The following TDRD1 variants were observed in gnomAD, a reference collection of about 807,000 sequenced individuals.
The protein encoded by TDRD1 is tudor domain-containing protein 1.
In TDRD1, 37 loss-of-function variants were observed where a neutral mutation model predicts 140.6. The observed-to-expected ratio is 0.26, with a 90% CI of 0.20 to 0.35. TDRD1 has a LOEUF of 0.35. Among genes scored for constraint, TDRD1 ranks in the 10% least tolerant of loss-of-function variants. TDRD1 has a pLI of 1.00. For synonymous variants in TDRD1, 506 were observed against 475.7 expected (o/e 1.06, Z -0.83); for missense variants, 1,243 against 1,393.0 (o/e 0.89, Z 1.71).
intron 20 of TDRD1, 24 bp downstream of exon 20, chr10:114,221,500 T>C (rs376841676): frequency 6.9e-6 from 11 of 1,605,246 alleles, no homozygotes; most frequent in Non-Finnish European, 9.4e-6. Flanking sequence ...ATTTGAGACA[T>C]ATTTATGCTC....
Position 114,191,037 on chromosome 10 carries a change from G to A in TDRD1, c.384+18G>A. Reference sequence around the variant, plus strand: ...TGAATATTGTAAGTTATTTTATTGTGTGTGTGCTTGTTTGGGTAAAAGATT... The same window carrying A: ...TGAATATTGTAAGTTATTTTATTGTATGTGTGCTTGTTTGGGTAAAAGATT... On this transcript the variant is annotated intron_variant, in intron 3 of 25. Coordinates refer to ENST00000251864, the Ensembl canonical transcript of TDRD1. The A allele has an allele frequency of 1.2e-6, 2 of 1,609,832 alleles. No individual in the cohort carries two copies. Among genetic ancestry groups the A allele is most frequent in the East Asian group, 4.5e-5 (2 of 44,780 alleles).
rs1260247294 is a variant in TDRD1 at position 114,218,403 on chromosome 10, G to A, written c.2324-11G>A. The A allele has an allele frequency of 1.9e-6, 3 of 1,543,038 alleles. No individual in the cohort carries two copies. Among genetic ancestry groups the A allele is most frequent in the African/African-American group, 2.7e-5 (2 of 72,742 alleles). On this transcript the variant is annotated splice_polypyrimidine_tract_variant and intron_variant, in intron 17 of 25. Coordinates refer to ENST00000251864, the Ensembl canonical transcript of TDRD1. Reference sequence around the variant, plus strand: ...AAATGTTCCATGTCACAAACTGTGTGTTAAACCTAGGTGATGGTAGTTGGT... The same window carrying A: ...AAATGTTCCATGTCACAAACTGTGTATTAAACCTAGGTGATGGTAGTTGGT...
chr10:114,192,669 GC>G (rs2120298314), intron 3 of TDRD1, among the ~76,000 whole-genome samples: 1 of 152,108 alleles, frequency 6.6e-6, no homozygotes, highest in Non-Finnish European at 1.5e-5. Context: ...TTAAGTTTTT[GC>G]CTATGTATAT....
chr10:114,222,747 C>T (rs2036218679), intron 21 of TDRD1, 44 bp downstream of exon 21: 2 of 1,116,020 alleles, frequency 1.8e-6, no homozygotes, highest in Non-Finnish European at 2.7e-6. Flanking sequence ...GGTATTTAGT[C>T]TGTTTTGTTC....
In TDRD1 at chr10:114,225,152, C is replaced by T. The variant is rs189151610; in HGVS notation, c.3008-897C>T. Among the ~76,000 whole-genome samples, 3 of 152,364 alleles carry T rather than the reference C, an allele frequency of 2.0e-5. No individual in the cohort carries two copies. The East Asian group carries it at 5.8e-4, about 29-fold the overall frequency. Reference sequence around the variant, plus strand: ...GTCCATGCCCTCTGTGGTTCATTCTCTCAGGAGAGGAAACCTCCAGTCTTC... The same window carrying T: ...GTCCATGCCCTCTGTGGTTCATTCTTTCAGGAGAGGAAACCTCCAGTCTTC... On this transcript the variant is annotated intron_variant, in intron 21 of 25. Transcript: ENST00000251864.
chr10:114,184,159 T>C (rs916894172), intron 1 of TDRD1, among the ~76,000 whole-genome samples: 11 of 147,856 alleles, frequency 7.4e-5, no homozygotes, highest in African/African-American at 2.1e-4. Context: ...TGCATACTTA[T>C]TTCAATTTGA....
At chr10:114,226,974 G>A in intron 22 of TDRD1, 98 bp from the exon 23 acceptor site, 1 of 680,872 alleles carries the variant, frequency 1.5e-6, no homozygotes, top group Non-Finnish European at 2.5e-6. Flanking sequence ...AAATCCAGCT[G>A]AAGTCCAGTA....
Position 114,206,873 on chromosome 10 carries a change from C to T in TDRD1, c.1384+543C>T, listed in dbSNP as rs557404757. Among the ~76,000 whole-genome samples the T allele has an allele frequency of 2.6e-5, 4 of 152,332 alleles. No homozygotes were observed. The East Asian group carries it at 7.7e-4, about 29-fold the overall frequency. ...GAGAGTGATTCGCCCGCCTCAGCCTCCCAAAGTGCTGGGATTACAGGCGTG... is the reference window on the plus strand; with the variant it reads ...GAGAGTGATTCGCCCGCCTCAGCCTTCCAAAGTGCTGGGATTACAGGCGTG... On this transcript the variant is annotated intron_variant, in intron 11 of 25. Transcript: ENST00000251864.
chr10:114,179,372 C>T (rs1279496890), exon 1 of TDRD1: 3 of 152,526 alleles, frequency 2.0e-5, no homozygotes, highest in African/African-American at 4.8e-5. Context: ...CACCGCCAGA[C>T]CGCAGAGACA....
At chr10:114,208,104 G>T (rs1903891) in intron 11 of TDRD1, among the ~76,000 whole-genome samples, 2 of 151,850 alleles carry the variant, frequency 1.3e-5, no homozygotes, top group Non-Finnish European at 2.9e-5. Context: ...TAGGGAAAAA[G>T]CATGAGCAGG....
upstream of TDRD1, among the ~76,000 whole-genome samples, chr10:114,176,620 G>T (rs114419721): frequency 3.9e-3 from 589 of 152,208 alleles, 3 homozygotes; most frequent in African/African-American, 0.013. This position sits in a 1 kb window ranked among gnomAD's most constrained non-coding sequence, Gnocchi z 4.2. Context: ...TTAATTTTAT[G>T]ATATTAAGAA....
chr10:114,209,690 T>G (rs889719633), intron 11 of TDRD1, among the ~76,000 whole-genome samples: 1 of 152,186 alleles, frequency 6.6e-6, no homozygotes, highest in African/African-American at 2.4e-5. Flanking sequence ...GATATGAAAT[T>G]CCCTCCACTT....
chr10:114,176,325 T>A (rs1222856386), upstream of TDRD1, among the ~76,000 whole-genome samples: 1 of 150,178 alleles, frequency 6.7e-6, no homozygotes, highest in Admixed American at 6.6e-5. The surrounding 1 kb of genome is among the most constrained non-coding windows in gnomAD (Gnocchi z 4.2). Flanking sequence ...CTGTAATAAA[T>A]AAATTGCAAG....
exon 13 of TDRD1, chr10:114,210,905 A>G: frequency 6.2e-7 from 1 of 1,614,156 alleles, no homozygotes; most frequent in South Asian, 1.1e-5. Flanking sequence ...TACTGTGATC[A>G]GTTGCCTCCA....
At chr10:114,212,611 C>A (rs768895143) in intron 14 of TDRD1, among the ~76,000 whole-genome samples, 14 of 152,090 alleles carry the variant, frequency 9.2e-5, no homozygotes, top group Non-Finnish European at 1.6e-4. Context: ...AGTTACTTGG[C>A]CCTTGCATTT....
chr10:114,219,350 C>T (rs537021365), intron 18 of TDRD1, among the ~76,000 whole-genome samples: 1 of 149,038 alleles, frequency 6.7e-6, no homozygotes, highest in South Asian at 2.1e-4. Flanking sequence ...ATATAAAGCA[C>T]TTAACAGTGC....
intron 20 of TDRD1, among the ~76,000 whole-genome samples, chr10:114,221,960 A>C (rs1376486638): frequency 6.6e-6 from 1 of 152,202 alleles, no homozygotes; most frequent in East Asian, 1.9e-4. Context: ...AATCTCTTAA[A>C]TGTATATGAC....
intron 2 of TDRD1, 39 bp downstream of exon 2, chr10:114,188,195 A>C: frequency 6.6e-7 from 1 of 1,522,000 alleles, no homozygotes; most frequent in Non-Finnish European, 8.8e-7. Flanking sequence ...CTTCATTCTC[A>C]TGGTTTCTGT....
exon 15 of TDRD1, chr10:114,213,484 A>T: frequency 6.2e-7 from 1 of 1,614,070 alleles, no homozygotes; most frequent in Non-Finnish European, 8.5e-7. Context: ...GATAAATCCG[A>T]GACGCCTCAT....
Sources: allele counts gnomAD v4.1 joint callset (sites outside exome capture counted in the v4.1 genomes callset), GRCh38; gene constraint gnomAD v4.1.1; non-coding constraint Gnocchi (gnomAD v3.1); transcripts MANE v1.5; gene names NCBI Gene and HGNC (gene_info 2026-07-23, HGNC 2026-07-21).